The following LRTM3 variants were observed in gnomAD, a reference collection of about 807,000 sequenced individuals.
LRTM3 encodes leucine rich repeat transmembrane protein 3, also known as leucine-rich repeat transmembrane protein 3.
the LRTM3 span, chr13:102,746,343 T>C: frequency 3.9e-6 from 6 of 1,550,900 alleles, no homozygotes; most frequent in East Asian, 4.9e-5. Flanking sequence ...TCATGGGATA[T>C]GCTATTCTTA....
chr13:102,747,216 T>A, the LRTM3 span: 1 of 1,550,720 alleles, frequency 6.4e-7, no homozygotes, highest in Non-Finnish European at 8.7e-7. Context: ...TGACTGTGAT[T>A]CTCTGCATTT....
chr13:102,748,095 A>C, the LRTM3 span: 2 of 1,551,016 alleles, frequency 1.3e-6, no homozygotes, highest in Non-Finnish European at 1.7e-6. Context: ...ATTATTCTTA[A>C]TGTGTCTGCC....
the LRTM3 span, chr13:102,738,619 T>A: frequency 6.5e-7 from 1 of 1,550,206 alleles, no homozygotes; most frequent in Non-Finnish European, 8.7e-7. Context: ...TTACACTGTT[T>A]GAGATATTAT....
the LRTM3 span, chr13:102,735,461 G>A: frequency 6.4e-7 from 1 of 1,551,184 alleles, no homozygotes. Context: ...ATATGGTGGA[G>A]TAAGTAAAGA....
At chr13:102,747,349 C>A in the LRTM3 span, 17 of 1,550,282 alleles carry the variant, frequency 1.1e-5, no homozygotes, top group African/African-American at 2.2e-4. Flanking sequence ...AATTGCCTCC[C>A]ATTTTTTTCC....
the LRTM3 span, chr13:102,758,663 G>A: frequency 6.6e-7 from 1 of 1,513,144 alleles, no homozygotes; most frequent in African/African-American, 1.4e-5. Context: ...GTCTGATTTT[G>A]AAAACTAGGA....
At chr13:102,744,072 T>C in the LRTM3 span, 5 of 1,550,456 alleles carry the variant, frequency 3.2e-6, no homozygotes, top group Non-Finnish European at 2.6e-6. Context: ...GCATATTCAG[T>C]GGCACTGAGT....
chr13:102,730,619 A>T, the LRTM3 span: 4 of 1,552,020 alleles, frequency 2.6e-6, no homozygotes, highest in Non-Finnish European at 3.5e-6. Flanking sequence ...TGGCTGTGGG[A>T]ATTTTCTGAT....
At chr13:102,744,168 T>C in the LRTM3 span, 1 of 1,550,676 alleles carries the variant, frequency 6.4e-7, no homozygotes, top group South Asian at 1.2e-5. Flanking sequence ...TGGTTTTCTG[T>C]AGAATATCTT....
At chr13:102,736,945 G>T in the LRTM3 span, 36 of 1,550,758 alleles carry the variant, frequency 2.3e-5, no homozygotes, top group African/African-American at 2.6e-4. Context: ...CCTCTTTTTT[G>T]CCTGCTGTTC....
the LRTM3 span, chr13:102,748,968 G>T: frequency 6.4e-7 from 1 of 1,550,448 alleles, no homozygotes; most frequent in Non-Finnish European, 8.7e-7. Flanking sequence ...TTTTGCTTCT[G>T]CAGAAAATGT....
the LRTM3 span, chr13:102,748,924 T>C: frequency 2.0e-5 from 31 of 1,550,502 alleles, no homozygotes; most frequent in East Asian, 7.3e-4. Context: ...CAAGAGGACC[T>C]GCATAATTGA....
At chr13:102,743,986 T>C in the LRTM3 span, 2 of 1,550,314 alleles carry the variant, frequency 1.3e-6, no homozygotes, top group Non-Finnish European at 1.7e-6. Context: ...GTCGGCGTGT[T>C]CTGTTAGATA....
chr13:102,754,582 C>G, the LRTM3 span, among the ~76,000 whole-genome samples: 1 of 152,102 alleles, frequency 6.6e-6, no homozygotes, highest in Non-Finnish European at 1.5e-5. Context: ...ACACAAACCA[C>G]TCATATATGT....
At chr13:102,750,097 C>T in the LRTM3 span, 1 of 1,550,896 alleles carries the variant, frequency 6.4e-7, no homozygotes, top group Non-Finnish European at 8.7e-7. Flanking sequence ...TGGTTTTCAT[C>T]ATTGAAAATA....
the LRTM3 span, chr13:102,730,040 G>A: frequency 6.4e-7 from 1 of 1,551,500 alleles, no homozygotes; most frequent in South Asian, 1.2e-5. Flanking sequence ...AATTTCCGCA[G>A]TATTTGATGA....
the LRTM3 span, chr13:102,736,480 A>G: frequency 6.4e-7 from 1 of 1,551,092 alleles, no homozygotes; most frequent in Non-Finnish European, 8.7e-7. Flanking sequence ...TTGGCTTTGT[A>G]GGTGCTGTTT....
chr13:102,736,638 T>A, the LRTM3 span: 1 of 1,550,986 alleles, frequency 6.4e-7, no homozygotes, highest in Non-Finnish European at 8.7e-7. Context: ...AGTACAACTA[T>A]TTCCACCTCA....
chr13:102,733,332 T>C, the LRTM3 span: 1 of 1,551,390 alleles, frequency 6.4e-7, no homozygotes, highest in Non-Finnish European at 8.7e-7. Flanking sequence ...CTATCATTAC[T>C]TTGTCCATCT....
Sources: gnomAD v4.1 joint callset for allele counts (sites outside exome capture counted in the v4.1 genomes callset) on GRCh38, gnomAD v4.1.1 for gene constraint, MANE v1.5 for transcripts, NCBI Gene and HGNC (gene_info 2026-07-23, HGNC 2026-07-21) for gene names.